NCOR1: variants seen among roughly 807,000 people sequenced by gnomAD.
NCOR1 encodes the protein nuclear receptor corepressor 1.
Under a neutral mutation model 288.1 loss-of-function variants are expected in NCOR1, and 63 were observed. The observed-to-expected ratio is 0.22, with a 90% CI of 0.18 to 0.27. NCOR1 has a LOEUF of 0.27. Among genes scored for constraint, NCOR1 ranks in the 10% least tolerant of loss-of-function variants. The pLI, the probability that NCOR1 is intolerant of heterozygous loss-of-function variation, is 1.00. For missense variants in NCOR1, 2,397 were observed against 3,019.2 expected (o/e 0.79, Z 4.83); for synonymous variants, 1,007 against 1,065.9 (o/e 0.94, Z 1.08).
At chr17:16,046,121 A>G (rs1225773713) in intron 42 of NCOR1, among the ~76,000 whole-genome samples, 2 of 152,212 alleles carry the variant, frequency 1.3e-5, no homozygotes, top group Non-Finnish European at 2.9e-5. Context: ...CGGTTAGTTT[A>G]TCAGAGTTGC....
At chr17:16,134,390 A>G (rs890388660) in intron 14 of NCOR1, among the ~76,000 whole-genome samples, 1 of 152,240 alleles carries the variant, frequency 6.6e-6, no homozygotes, top group Non-Finnish European at 1.5e-5. Context: ...GGGCAGAGCT[A>G]GCCTACCAGA....
intron 7 of NCOR1, among the ~76,000 whole-genome samples, chr17:16,152,761 C>A (rs911352165): frequency 3.9e-5 from 6 of 152,110 alleles, no homozygotes; most frequent in African/African-American, 1.4e-4. Context: ...CTAGTTTACA[C>A]TCCCACCAAC....
chr17:16,068,495 C>T (rs1236532207), intron 31 of NCOR1: 12 of 222,132 alleles, frequency 5.4e-5, no homozygotes, highest in Admixed American at 2.7e-4. Context: ...CTTCAGTTTT[C>T]TCTCATTGCC....
intron 3 of NCOR1, among the ~76,000 whole-genome samples, chr17:16,179,425 T>C (rs183899097): frequency 8.6e-4 from 131 of 152,170 alleles, no homozygotes; most frequent in Admixed American, 8.5e-3. Flanking sequence ...TAAGCAGAAG[T>C]AGAAAGCCTG....
chr17:16,136,744 T>C (rs919551913), intron 14 of NCOR1, among the ~76,000 whole-genome samples: 1 of 148,404 alleles, frequency 6.7e-6, no homozygotes, highest in African/African-American at 2.5e-5. Flanking sequence ...GAGGCGGAGG[T>C]TGCAGTGAGC....
chr17:16,153,885 G>T (rs977527294), intron 6 of NCOR1, among the ~76,000 whole-genome samples: 1 of 152,040 alleles, frequency 6.6e-6, no homozygotes, highest in Admixed American at 6.6e-5. Context: ...AGCTGTTAAT[G>T]AGCTAATTTT....
At chr17:16,066,006 A>G (rs2061076967) in intron 32 of NCOR1, 1 of 380,376 alleles carries the variant, frequency 2.6e-6, no homozygotes, top group Admixed American at 3.8e-5. Flanking sequence ...GTTGTGTTTG[A>G]AAATAAAATT....
chr17:16,101,992 G>A (rs1455680791), intron 19 of NCOR1, among the ~76,000 whole-genome samples: 1 of 152,096 alleles, frequency 6.6e-6, no homozygotes. Context: ...AAATTATCTT[G>A]ACCTTCTGAA....
At chr17:16,214,690 A>C (rs188491197) in intron 1 of NCOR1, among the ~76,000 whole-genome samples, 1 of 152,318 alleles carries the variant, frequency 6.6e-6, no homozygotes, top group Admixed American at 6.5e-5. Context: ...GTTAATTTGA[A>C]GAATTCAGTC....
At chr17:16,137,774 A>G (rs2076623846) in intron 13 of NCOR1, 1 of 222,880 alleles carries the variant, frequency 4.5e-6, no homozygotes, top group East Asian at 1.0e-4. Flanking sequence ...TATATTAAAT[A>G]TGGAATGATT....
intron 26 of NCOR1, among the ~76,000 whole-genome samples, chr17:16,076,619 A>T (rs2062493401): frequency 6.6e-6 from 1 of 152,206 alleles, no homozygotes; most frequent in African/African-American, 2.4e-5. Flanking sequence ...AAATTTTAAA[A>T]ACTGTCTTTC....
chr17:16,094,857 T>C (rs2066083371), intron 21 of NCOR1, among the ~76,000 whole-genome samples: 1 of 152,200 alleles, frequency 6.6e-6, no homozygotes, highest in Non-Finnish European at 1.5e-5. Flanking sequence ...GGAGTCTCGT[T>C]AACTCAGTGC....
At chr17:16,186,810 A>C in intron 2 of NCOR1, 123 bp from the exon 3 acceptor site, 1 of 790,280 alleles carries the variant, frequency 1.3e-6, no homozygotes, top group Middle Eastern at 3.2e-4. Flanking sequence ...TGACTATTTC[A>C]ATCCTTCATT....
At chr17:16,157,194 G>A (rs2079954330) in intron 6 of NCOR1, among the ~76,000 whole-genome samples, 2 of 151,772 alleles carry the variant, frequency 1.3e-5, no homozygotes, top group African/African-American at 4.8e-5. Context: ...CTTAAACAAG[G>A]GAGCAACTGT....
chr17:16,178,008 G>A (rs190045878), intron 3 of NCOR1, among the ~76,000 whole-genome samples: 81 of 151,880 alleles, frequency 5.3e-4, no homozygotes, highest in African/African-American at 1.8e-3. Flanking sequence ...TCAGGAGTTC[G>A]AGACTAGCCT....
intron 21 of NCOR1, among the ~76,000 whole-genome samples, chr17:16,095,354 A>G (rs905935962): frequency 6.7e-6 from 1 of 149,778 alleles, no homozygotes; most frequent in African/African-American, 2.5e-5. Context: ...GGAAGTGAGG[A>G]GCGTCTCCGC....
chr17:16,159,692 G>T (rs1162663480), intron 5 of NCOR1, among the ~76,000 whole-genome samples: 1 of 152,064 alleles, frequency 6.6e-6, no homozygotes, highest in Non-Finnish European at 1.5e-5. Context: ...CGGTCAAAGG[G>T]CAATCAACAA....
chr17:16,138,725 A>C (rs1455554254), intron 12 of NCOR1, among the ~76,000 whole-genome samples: 1 of 152,242 alleles, frequency 6.6e-6, no homozygotes, highest in Non-Finnish European at 1.5e-5. Context: ...ACGGTAATAC[A>C]TAGAAATCTG....
intron 26 of NCOR1, among the ~76,000 whole-genome samples, chr17:16,078,912 T>A (rs2062950112): frequency 6.6e-6 from 1 of 152,146 alleles, no homozygotes; most frequent in African/African-American, 2.4e-5. Context: ...GTAACTTTCT[T>A]TTCTTCTGTT....
Sources: gnomAD v4.1 joint callset for allele counts (sites outside exome capture counted in the v4.1 genomes callset) on GRCh38, gnomAD v4.1.1 for gene constraint, MANE v1.5 for transcripts, NCBI Gene and HGNC (gene_info 2026-07-23, HGNC 2026-07-21) for gene names.